The following BAHCC1 variants were observed in gnomAD, a reference collection of about 807,000 sequenced individuals.
BAHCC1 encodes the protein BAH domain and coiled-coil containing 1.
Under a neutral mutation model 88.2 loss-of-function variants are expected in BAHCC1, and 43 were observed. The observed-to-expected ratio is 0.49, with a 90% CI of 0.38 to 0.63. The LOEUF is 0.63. Ranked by LOEUF, BAHCC1 falls within the 20% of genes least tolerant of loss-of-function variation. The pLI, the probability that BAHCC1 is intolerant of heterozygous loss-of-function variation, is 0.00. For synonymous variants in BAHCC1, 1,510 were observed against 745.5 expected (o/e 2.03, Z -16.71); for missense variants, 3,023 against 1,654.8 (o/e 1.83, Z -14.34).
chr17:81,455,211 A>G (rs1374456850), intron 14 of BAHCC1, 56 bp from the exon 15 acceptor site: 5 of 697,616 alleles, frequency 7.2e-6, no homozygotes, highest in Non-Finnish European at 1.1e-5. Context: ...GTAGGGGGAC[A>G]AGGCTGGGGC....
At chr17:81,428,948 C>T (rs972009826) in intron 3 of BAHCC1, among the ~76,000 whole-genome samples, 1 of 152,192 alleles carries the variant, frequency 6.6e-6, no homozygotes, top group Non-Finnish European at 1.5e-5. Flanking sequence ...CCTCTGAGCC[C>T]CTTCTATCTG....
intron 4 of BAHCC1, among the ~76,000 whole-genome samples, chr17:81,439,859 G>T (rs556026749): frequency 6.6e-6 from 1 of 152,186 alleles, no homozygotes; most frequent in Admixed American, 6.5e-5. Flanking sequence ...GTGGGGTAGG[G>T]ACCCGAGGCC....
chr17:81,460,445 G>T, intron 24 of BAHCC1, 49 bp downstream of exon 24: 1 of 730,048 alleles, frequency 1.4e-6, no homozygotes, highest in Non-Finnish European at 2.5e-6. Flanking sequence ...GCTCCACTGT[G>T]TCCAGACGGG....
intron 2 of BAHCC1, among the ~76,000 whole-genome samples, chr17:81,417,555 A>ACCCCCCCCCCCCC (rs58215427): frequency 1.5e-5 from 2 of 131,382 alleles, no homozygotes; most frequent in African/African-American, 6.3e-5. Context: ...AGCGTCGGCC[A>ACCCCCCCCCCCCC]CCCCCCCCCC....
chr17:81,422,017 T>TC (rs1284977822), intron 2 of BAHCC1: 1 of 331,556 alleles, frequency 3.0e-6, no homozygotes, highest in East Asian at 1.1e-4. Flanking sequence ...TCTCGTGATT[T>TC]TTTTTTTTCT....
chr17:81,395,977 C>T (rs1249298548), intron 1 of BAHCC1: 2 of 152,236 alleles, frequency 1.3e-5, no homozygotes, highest in African/African-American at 2.4e-5. Context: ...GGACAGGGAC[C>T]GCCAGGCTGC....
chr17:81,416,536 CGT>C (rs1384234633), intron 2 of BAHCC1, among the ~76,000 whole-genome samples: 47 of 141,730 alleles, frequency 3.3e-4, no homozygotes, highest in Admixed American at 2.4e-3. Context: ...TGGGTGTGTG[CGT>C]GTTTGTGTGT....
In BAHCC1 at chr17:81,462,896, G is replaced by C. The variant is rs1555659913; in HGVS notation, c.7540G>C (p.Gly2514Arg). Residue 2514 changes from glycine (G) to arginine (R), a missense_variant, in exon 27 of 28, where the codon GGC becomes CGC. Transcript: ENST00000675386. ...GRIESMWESW[G>R]SNMVVKVKWF... ...CATCGAGAGCATGTGGGAGTCGTGG[G>C]GCAGCAACATGGTGGTCAAGGTCAA... The C allele has an allele frequency of 1.3e-6, 1 of 786,192 alleles. No individual in the cohort carries two copies. The highest frequency in any genetic ancestry group is 1.7e-5 in the Admixed American group (1 of 59,044). 48.7% of individuals were successfully genotyped at this position (786,192 alleles called of 1,614,324 possible). A position where few individuals can be genotyped will look rare whatever the true frequency, so the allele number is the denominator to read the frequency against.
rs1041649572 is a variant in BAHCC1 at position 81,407,940 on chromosome 17, C to A, written c.178+8023C>A. Among the ~76,000 whole-genome samples the A allele has an allele frequency of 2.0e-5, 3 of 152,214 alleles. No individual in the cohort carries two copies. The East Asian group carries it at 5.8e-4, about 29-fold the overall frequency. The stretch of plus-strand genomic sequence containing the variant: ...GGTTGCTTAGTGACTGGCACGGGCA[C>A]CTGTCTGCCCCCTACGTCCTCCCCA... On this transcript the variant is annotated intron_variant, in intron 2 of 27. Coordinates refer to ENST00000675386, the MANE Select transcript of BAHCC1 (RefSeq NM_001377448.1).
At chr17:81,451,334 G>A (rs1364292685) in intron 11 of BAHCC1, 2 of 284,210 alleles carry the variant, frequency 7.0e-6, no homozygotes, top group Non-Finnish European at 1.3e-5. Flanking sequence ...CCCCGGTGGG[G>A]GGACACACAG....
chr17:81,458,566 A>G lies in BAHCC1; in HGVS notation c.5344-55A>G. On this transcript the variant is annotated intron_variant, in intron 18 of 27. Transcript: ENST00000675386. ...CACGCTGGCCCCTGAGCTCTGGGTC[A>G]ACCTGAGGCTGTCCCACCCTTGACT... 4.5e-6 allele frequency: 3 copies of G among 665,276 alleles called. No individual in the cohort carries two copies. The Admixed American group carries it at 6.3e-5, about 14-fold the overall frequency. The allele number at this position is 665,276 out of a possible 1,614,324, so 41.2% of individuals were successfully genotyped here.
rs1433375261 is a variant in BAHCC1 at position 81,434,890 on chromosome 17, C to T, written c.359-3480C>T. ...AGGAGGGATGAGGGGGATGAGGTAC[C>T]TGGAGTGGGGGTGCCCGTCAGGCAG... On this transcript the variant is annotated intron_variant, in intron 3 of 27. Coordinates refer to ENST00000675386, the MANE Select transcript of BAHCC1 (RefSeq NM_001377448.1). This position sits in a 1 kb window ranked among gnomAD's most constrained non-coding sequence, Gnocchi z 4.9. Among the ~76,000 whole-genome samples, 6 of 152,190 alleles carry T rather than the reference C, an allele frequency of 3.9e-5. No homozygotes were observed. The East Asian group carries it at 1.2e-3, about 29-fold the overall frequency.
At chr17:81,446,722 TTTAA>T (rs1223819332) in intron 10 of BAHCC1, 1 of 510,994 alleles carries the variant, frequency 2.0e-6, no homozygotes, top group East Asian at 4.7e-5. Flanking sequence ...CTCATTGTTC[TTTAA>T]TTTTTTTGTA....
chr17:81,427,408 C>T (rs2064213309), intron 3 of BAHCC1, among the ~76,000 whole-genome samples: 1 of 152,162 alleles, frequency 6.6e-6, no homozygotes, highest in Non-Finnish European at 1.5e-5. Context: ...TGTCAGCGCA[C>T]ACAGGCTGCC....
chr17:81,456,719 G>A, intron 16 of BAHCC1, 134 bp downstream of exon 16: 1 of 584,206 alleles, frequency 1.7e-6, no homozygotes, highest in Non-Finnish European at 3.0e-6. Context: ...GGTCCAAGGA[G>A]ACGTTTTCAC....
rs1370987217 is a variant in BAHCC1 at position 81,461,944 on chromosome 17, G to T, written c.7281G>T (p.Glu2427Asp). 1.3e-6 allele frequency: 1 copy of T among 765,432 alleles called. No homozygotes were observed. Among genetic ancestry groups the T allele is most frequent in the African/African-American group, 1.7e-5 (1 of 58,782 alleles). 47.4% of individuals were successfully genotyped at this position (765,432 alleles called of 1,614,324 possible). A position where few individuals can be genotyped will look rare whatever the true frequency, so the allele number is the denominator to read the frequency against. Reference protein sequence around the residue: ...KEALSFSKAKELSRRQRPPSV... With the variant: ...KEALSFSKAKDLSRRQRPPSV... ...CCCTGAGCTTCTCCAAAGCCAAAGA[G>T]CTCTCCCGGAGGCAGCGGCCGCCCT... is the stretch of plus-strand genomic sequence containing the variant. Residue 2427 changes from glutamate to aspartate, a missense_variant, in exon 26 of 28, where the codon GAG (glutamate) becomes GAT (aspartate). Transcript: ENST00000675386.
chr17:81,440,029 G>T (rs782307949), intron 4 of BAHCC1, among the ~76,000 whole-genome samples: 2 of 152,144 alleles, frequency 1.3e-5, no homozygotes, highest in African/African-American at 4.8e-5. Context: ...AGCTGCAGGG[G>T]AGCAGGCATG....
At chr17:81,451,403 G>C (rs541667824) in intron 11 of BAHCC1, among the ~76,000 whole-genome samples, 2 of 152,326 alleles carry the variant, frequency 1.3e-5, no homozygotes, top group South Asian at 4.1e-4. Context: ...TTTGGGGCCT[G>C]TCTTGCTCTG....
At chr17:81,430,083 C>T (rs1269366531) in intron 3 of BAHCC1, among the ~76,000 whole-genome samples, 1 of 151,956 alleles carries the variant, frequency 6.6e-6, no homozygotes, top group African/African-American at 2.4e-5. Context: ...GGGGTGGGGG[C>T]GGGAGGCGGA....
Sources: gnomAD v4.1 joint callset for allele counts (sites outside exome capture counted in the v4.1 genomes callset) on GRCh38, gnomAD v4.1.1 for gene constraint, Gnocchi (gnomAD v3.1) non-coding constraint, MANE v1.5 for transcripts, NCBI Gene and HGNC (gene_info 2026-07-23, HGNC 2026-07-21) for gene names.